Variants in EEF2KMT observed in about 807,000 individuals in gnomAD.
EEF2KMT encodes the protein protein-lysine N-methyltransferase EEF2KMT.
In EEF2KMT, 30 loss-of-function variants were observed where a neutral mutation model predicts 35.1. The ratio of observed to expected loss-of-function variants is 0.85; its 90% CI spans 0.64 to 1.16. EEF2KMT has a LOEUF of 1.16. Among genes scored for constraint, EEF2KMT ranks in the 50% most tolerant of loss-of-function variants. The pLI, the probability that EEF2KMT is intolerant of heterozygous loss-of-function variation, is 0.00. For missense variants in EEF2KMT, 499 were observed against 438.2 expected (o/e 1.14, Z -1.24); for synonymous variants, 190 against 187.7 (o/e 1.01, Z -0.10).
intron 7 of EEF2KMT, among the ~76,000 whole-genome samples, chr16:5,087,981 G>A (rs533315189): frequency 2.3e-5 from 3 of 132,590 alleles, no homozygotes; most frequent in Non-Finnish European, 3.1e-5. Flanking sequence ...TTGCTCTGTT[G>A]CCCAGGCTGG....
chr16:5,085,553 T>C lies in EEF2KMT; in HGVS notation c.*79A>G. 3 of 1,083,376 alleles carry C rather than the reference T, an allele frequency of 2.8e-6. No individual in the cohort carries two copies. The South Asian group carries it at 3.7e-5, about 13-fold the overall frequency. 67.1% of individuals were successfully genotyped at this position (1,083,376 alleles called of 1,614,324 possible). A position where few individuals can be genotyped will look rare whatever the true frequency, so the allele number is the denominator to read the frequency against. The stretch of plus-strand genomic sequence containing the variant: ...CAAACATTCCAGTCCAATGAAAGTT[T>C]TATCCGCTTTCCCATATAAAAATTC... On this transcript the variant is annotated 3_prime_UTR_variant, in exon 8 of 8. Coordinates refer to ENST00000427587, the MANE Select transcript of EEF2KMT (RefSeq NM_201400.4).
In EEF2KMT at chr16:5,084,976, C is replaced by T; in HGVS notation, c.*656G>A. 6.3e-7 allele frequency: 1 copy of T among 1,585,394 alleles called. No homozygotes were observed. The highest frequency in any genetic ancestry group is 8.5e-7 in the Non-Finnish European group (1 of 1,170,010). On this transcript the variant is annotated 3_prime_UTR_variant, in exon 8 of 8. Coordinates refer to ENST00000427587, the MANE Select transcript of EEF2KMT (RefSeq NM_201400.4). ...GGCAAACCCTTTCGAGCAGCACCTC[C>T]CAGTGGCCAGAAGCTGAAATGACAG... is the stretch of plus-strand genomic sequence containing the variant.
At chr16:5,086,650 A>G (rs1957184739) in intron 7 of EEF2KMT, 1 of 151,616 alleles carries the variant, frequency 6.6e-6, no homozygotes, top group African/African-American at 2.4e-5. Context: ...CATGGCCTCA[A>G]GTGATGCTCC....
chr16:5,088,439 G>C (rs888671192), intron 7 of EEF2KMT, among the ~76,000 whole-genome samples: 21 of 152,196 alleles, frequency 1.4e-4, no homozygotes, highest in African/African-American at 4.6e-4. Flanking sequence ...TGCTCAGGGG[G>C]AGCTGGGGCA....
chr16:5,096,595 CAG>C (rs1432728300), intron 1 of EEF2KMT, among the ~76,000 whole-genome samples: 1 of 152,226 alleles, frequency 6.6e-6, no homozygotes, highest in African/African-American at 2.4e-5. Flanking sequence ...GAAAACAGCA[CAG>C]AGAGATGCAG....
chr16:5,096,452 G>A (rs1957467889), intron 1 of EEF2KMT, among the ~76,000 whole-genome samples: 1 of 152,174 alleles, frequency 6.6e-6, no homozygotes, highest in African/African-American at 2.4e-5. Context: ...AACATTTTGA[G>A]ACTGAATAAA....
chr16:5,088,173 G>A (rs1380138504), intron 7 of EEF2KMT, among the ~76,000 whole-genome samples: 4 of 152,146 alleles, frequency 2.6e-5, no homozygotes, highest in African/African-American at 4.8e-5. Context: ...AACACCTGGG[G>A]TCAAGTAGTC....
rs1251965725 is a variant in EEF2KMT, at chr16:5,095,500, C to G, written c.111G>C (p.Lys37Asn). 1 of 1,611,558 alleles carries G rather than the reference C, an allele frequency of 6.2e-7. No homozygotes were observed. The highest frequency in any genetic ancestry group is 8.5e-7 in the Non-Finnish European group (1 of 1,179,612). ...GCTCAGAATCTGATGAGTCTCTTAACTTTGCTTCTAAGCTCTGTGTGGAGG... is the reference window on the plus strand; with the variant it reads ...GCTCAGAATCTGATGAGTCTCTTAAGTTTGCTTCTAAGCTCTGTGTGGAGG... ...RSFPWQSLEA[K>N]LRDSSDSELL... Residue 37 changes from lysine (K) to asparagine (N), a missense_variant, in exon 2 of 8, where the codon AAG (lysine) becomes AAC (asparagine). Physicochemically the swap from Lys to Asn is moderately conservative, Grantham distance 94. Transcript: ENST00000427587.
At chr16:5,088,929 C>T (rs1483781514) in intron 7 of EEF2KMT, among the ~76,000 whole-genome samples, 178 bp downstream of exon 7, 4 of 152,212 alleles carry the variant, frequency 2.6e-5, no homozygotes, top group Admixed American at 6.5e-5. Flanking sequence ...CTCCTCCTGC[C>T]GCAAGCCCCC....
At chr16:5,091,205 C>T (rs564517808) in intron 4 of EEF2KMT, among the ~76,000 whole-genome samples, 1 of 152,282 alleles carries the variant, frequency 6.6e-6, no homozygotes, top group South Asian at 2.1e-4. Context: ...CCTCAGCCTC[C>T]CTAGTAGCTG....
rs1190925418 is a variant in EEF2KMT at position 5,097,650 on chromosome 16, G to A, written c.90C>T (p.Pro30=). 5.1e-6 allele frequency: 8 copies of A among 1,569,106 alleles called. No individual in the cohort carries two copies. The African/African-American group carries it at 8.1e-5, about 16-fold the overall frequency. The change falls in exon 1 of 8, where the codon CCC becomes CCT. Residue 30 remains proline, a synonymous_variant. Transcript: ENST00000427587. ...FLAARTLRSF[P]WQSLEAKLRD... is the part of the protein sequence containing the mutation. ...CGCTCGCCCCGCCGCCCACCTGCCA[G>A]GGGAAGGAGCGCAGTGTGCGTGCCG...
chr16:5,089,966 C>T (rs1159482500), intron 6 of EEF2KMT, 118 bp downstream of exon 6: 2 of 1,499,618 alleles, frequency 1.3e-6, no homozygotes, highest in Non-Finnish European at 1.8e-6. Context: ...AGTAACTCTT[C>T]TGGAAGCCCC....
At chr16:5,089,525 C>A (rs1263335561) in intron 6 of EEF2KMT, 3 of 553,602 alleles carry the variant, frequency 5.4e-6, no homozygotes, top group Non-Finnish European at 9.6e-6. Context: ...CTTGGCCTAT[C>A]TAGAGGGCTT....
chr16:5,092,124 C>T (rs1188725399), intron 3 of EEF2KMT, among the ~76,000 whole-genome samples: 5 of 151,648 alleles, frequency 3.3e-5, no homozygotes, highest in Non-Finnish European at 5.9e-5. Context: ...TCGAGGACAG[C>T]CTGGGCAACA....
chr16:5,085,556 T>A lies in EEF2KMT; in HGVS notation c.*76A>T. On this transcript the variant is annotated 3_prime_UTR_variant, in exon 8 of 8. Transcript: ENST00000427587. ...ACATTCCAGTCCAATGAAAGTTTTA[T>A]CCGCTTTCCCATATAAAAATTCTTC... 1 of 1,104,808 alleles carries A rather than the reference T, an allele frequency of 9.1e-7. No individual in the cohort carries two copies. The highest frequency in any genetic ancestry group is 1.4e-6 in the Non-Finnish European group (1 of 717,676). 68.4% of individuals were successfully genotyped at this position (1,104,808 alleles called of 1,614,324 possible).
chr16:5,095,504 G>C lies in EEF2KMT; in HGVS notation c.107C>G (p.Ala36Gly), dbSNP rs578037243. Residue 36 changes from alanine to glycine, a missense_variant, in exon 2 of 8, where the codon GCA becomes GGA. Ala to Gly is a moderately conservative substitution (Grantham distance 60, BLOSUM62 0). Coordinates refer to ENST00000427587, the MANE Select transcript of EEF2KMT (RefSeq NM_201400.4). The stretch of plus-strand genomic sequence containing the variant: ...AGAATCTGATGAGTCTCTTAACTTT[G>C]CTTCTAAGCTCTGTGTGGAGGGGAA... ...LRSFPWQSLE[A>G]KLRDSSDSEL... is the part of the protein sequence containing the mutation. The C allele has an allele frequency of 6.2e-7, 1 of 1,611,572 alleles. No homozygotes were observed. The highest frequency in any genetic ancestry group is 1.7e-5 in the Admixed American group (1 of 59,978).
At chr16:5,095,316 G>C in intron 2 of EEF2KMT, 136 bp downstream of exon 2, 2 of 1,381,766 alleles carry the variant, frequency 1.4e-6, no homozygotes, top group Non-Finnish European at 2.0e-6. Flanking sequence ...CCCACCTGCA[G>C]TGCTGACTCA....
At position 5,084,645 on chromosome 16, in the gene EEF2KMT, G is replaced by T; in HGVS notation, c.*987C>A. The T allele has an allele frequency of 6.5e-7, 1 of 1,547,984 alleles. No homozygotes were observed. The highest frequency in any genetic ancestry group is 8.8e-7 in the Non-Finnish European group (1 of 1,142,618). ...GTCCAAGTGAGGGAGTTAGGGACTT[G>T]GGAGGGGTTGTTGTTGGGTCGGGGA... On this transcript the variant is annotated 3_prime_UTR_variant, in exon 8 of 8. Transcript: ENST00000427587.
chr16:5,092,415 G>A (rs894662052), intron 3 of EEF2KMT, among the ~76,000 whole-genome samples: 8 of 152,222 alleles, frequency 5.3e-5, no homozygotes, highest in Non-Finnish European at 1.2e-4. Flanking sequence ...AGCTGGCCCC[G>A]TCCTATGATT....
Sources: gnomAD v4.1 joint callset for allele counts (sites outside exome capture counted in the v4.1 genomes callset) on GRCh38, gnomAD v4.1.1 for gene constraint, MANE v1.5 for transcripts, NCBI Gene and HGNC (gene_info 2026-07-23, HGNC 2026-07-21) for gene names.